Variants in AK6 observed in about 807,000 individuals in gnomAD.
AK6 encodes the protein adenylate kinase isoenzyme 6.
A neutral mutation model predicts 23.7 loss-of-function variants in AK6; 24 were observed. That is an observed-to-expected ratio of 1.01 (90% CI 0.73 to 1.43). The LOEUF is 1.43. AK6 is among the 40% of genes most tolerant of loss of function. AK6 has a pLI of 0.00. For missense variants in AK6, 191 were observed against 199.1 expected (o/e 0.96, Z 0.24); for synonymous variants, 73 against 69.8 (o/e 1.05, Z -0.23).
At position 69,364,752 on chromosome 5, in the gene AK6, T is replaced by A. The variant is rs543755933; in HGVS notation, c.121+1751A>T. The A allele has an allele frequency of 2.7e-5, 18 of 675,550 alleles. No homozygotes were observed. In the South Asian group the frequency reaches 3.6e-4, roughly 13 times the overall value. 41.8% of individuals were successfully genotyped at this position (675,550 alleles called of 1,614,324 possible). A position where few individuals can be genotyped will look rare whatever the true frequency, so the allele number is the denominator to read the frequency against. ...GCCAAAGCACCAACAATCGAATGAATGACAACTTTATTTTTCTTACACTTT... is the reference window on the plus strand; with the variant it reads ...GCCAAAGCACCAACAATCGAATGAAAGACAACTTTATTTTTCTTACACTTT... On this transcript the variant is annotated intron_variant, in intron 2 of 4. Coordinates refer to ENST00000380822, the MANE Select transcript of AK6 (RefSeq NM_016283.5).
At chr5:69,369,631 C>T (rs768535687), upstream of AK6, 1 of 1,566,626 alleles carries the variant, frequency 6.4e-7, no homozygotes. Context: ...CCTGCCCCGG[C>T]GGCCCAGCCG....
chr5:69,365,484 G>C (rs750481634), intron 2 of AK6: 3 of 1,614,048 alleles, frequency 1.9e-6, no homozygotes, highest in Non-Finnish European at 2.5e-6. Flanking sequence ...TGGGGGAGGA[G>C]AGGTAAAAGA....
chr5:69,359,437 G>A (rs1762170393), intron 2 of AK6, among the ~76,000 whole-genome samples: 1 of 152,016 alleles, frequency 6.6e-6, no homozygotes, highest in African/African-American at 2.4e-5. Context: ...TAGAGATGGG[G>A]TTTCACCATG....
chr5:69,358,962 T>A (rs1762155823), intron 2 of AK6, among the ~76,000 whole-genome samples: 1 of 151,556 alleles, frequency 6.6e-6, no homozygotes, highest in Non-Finnish European at 1.5e-5. Context: ...GTTAAAAGGG[T>A]GAGCATGGTG....
At position 69,369,464 on chromosome 5, in the gene AK6, G is replaced by A. The variant is rs774701923; in HGVS notation, c.27C>T (p.Thr9=). 8.1e-6 allele frequency: 13 copies of A among 1,610,426 alleles called. No individual in the cohort carries two copies. Among genetic ancestry groups the A allele is most frequent in the East Asian group, 2.2e-5 (1 of 44,746 alleles). The stretch of plus-strand genomic sequence containing the variant: ...TCCCTCCCGGCCGCGCGCCCTGACC[G>A]GTGAGCAGGATGTTCGGAAGCAACA... The part of the protein sequence containing the change: MLLPNILL[T]GTPGVGKTTL... The change falls in exon 1 of 5, where the codon ACC becomes ACT. Residue 9 remains threonine, a splice_region_variant and synonymous_variant. Transcript: ENST00000380822.
chr5:69,357,771 T>C (rs1762119885), intron 2 of AK6, among the ~76,000 whole-genome samples: 1 of 152,174 alleles, frequency 6.6e-6, no homozygotes, highest in South Asian at 2.1e-4. Flanking sequence ...TACACTACCA[T>C]TTAATTTCTA....
chr5:69,358,700 G>A (rs1451507420), intron 2 of AK6, among the ~76,000 whole-genome samples: 4 of 151,298 alleles, frequency 2.6e-5, no homozygotes, highest in African/African-American at 9.7e-5. Flanking sequence ...AGAAATGAAC[G>A]GATCCTAAAC....
intron 2 of AK6, among the ~76,000 whole-genome samples, chr5:69,366,225 A>T (rs1038744444): frequency 3.3e-5 from 5 of 152,158 alleles, no homozygotes; most frequent in Non-Finnish European, 5.9e-5. Flanking sequence ...CATTCTCCTT[A>T]TTCACATTCT....
chr5:69,362,953 G>C (rs1303352996), intron 2 of AK6, among the ~76,000 whole-genome samples: 1 of 152,076 alleles, frequency 6.6e-6, no homozygotes, highest in Admixed American at 6.5e-5. Context: ...GAGTACTTGA[G>C]GTACAGTGGC....
chr5:69,352,319 C>G, intron 4 of AK6, 66 bp from the exon 5 acceptor site: 2 of 1,312,920 alleles, frequency 1.5e-6, no homozygotes, highest in South Asian at 2.7e-5. Flanking sequence ...GTTTCAGAAA[C>G]ATACCAGAAA....
chr5:69,353,574 G>A (rs929052227), intron 4 of AK6, among the ~76,000 whole-genome samples: 2 of 152,036 alleles, frequency 1.3e-5, no homozygotes, highest in African/African-American at 4.8e-5. Flanking sequence ...GGAATTACAG[G>A]CGTGAGCCAC....
intron 2 of AK6, chr5:69,365,624 C>G (rs1198675915): frequency 1.2e-6 from 2 of 1,613,990 alleles, no homozygotes; most frequent in African/African-American, 1.3e-5. Context: ...ACTCCAACAT[C>G]TGATTTATAA....
In AK6 at chr5:69,369,226, A is replaced by ACCCCCCCCCCCC. The variant is rs200123392; in HGVS notation, c.28+236_28+237insGGGGGGGGGGGG. 125 of 124,540 alleles carry ACCCCCCCCCCCC rather than the reference A, an allele frequency of 1.0e-3. 17 individuals are homozygous for ACCCCCCCCCCCC. The highest frequency in any genetic ancestry group is 3.7e-3 in the South Asian group (23 of 6,238). The allele number at this position is 124,540 out of a possible 1,614,324, so 7.7% of individuals were successfully genotyped here. On this transcript the variant is annotated intron_variant, in intron 1 of 4. Transcript: ENST00000380822. Reference sequence around the variant, plus strand: ...GAGCTGGATCTGCCGACCTCTCTCCACCCCCCCCCGCCCCCCCCCGGAGCC... The same window carrying ACCCCCCCCCCCC: ...GAGCTGGATCTGCCGACCTCTCTCCACCCCCCCCCCCCCCCCCCCCCGCCCCCCCCCGGAGCC...
At chr5:69,361,049 G>A (rs546751763) in intron 2 of AK6, among the ~76,000 whole-genome samples, 6 of 152,328 alleles carry the variant, frequency 3.9e-5, no homozygotes, top group Admixed American at 6.5e-5. Context: ...AAGGATGCTA[G>A]TAAGAGTATA....
intron 2 of AK6, chr5:69,364,905 C>T: frequency 1.3e-6 from 2 of 1,557,230 alleles, no homozygotes; most frequent in Non-Finnish European, 1.7e-6. Flanking sequence ...ACAATGAATT[C>T]AAGACCAAGT....
Position 69,369,487 on chromosome 5 carries a change from A to G in AK6, c.4T>C (p.Leu2=). M[L]LPNILLTGTP... ...CCGGTGAGCAGGATGTTCGGAAGCAACATGGTCCCCGCCGCGACGGCTTCG... is the reference window on the plus strand; with the variant it reads ...CCGGTGAGCAGGATGTTCGGAAGCAGCATGGTCCCCGCCGCGACGGCTTCG... The change falls in exon 1 of 5, where the codon TTG becomes CTG. Residue 2 remains leucine, a synonymous_variant. Coordinates refer to ENST00000380822, the MANE Select transcript of AK6 (RefSeq NM_016283.5). 1 of 1,611,392 alleles carries G rather than the reference A, an allele frequency of 6.2e-7. No homozygotes were observed. Among genetic ancestry groups the G allele is most frequent in the Non-Finnish European group, 8.5e-7 (1 of 1,179,302 alleles).
At chr5:69,357,595 A>G (rs1475184985) in intron 2 of AK6, among the ~76,000 whole-genome samples, 1 of 152,222 alleles carries the variant, frequency 6.6e-6, no homozygotes, top group Non-Finnish European at 1.5e-5. Flanking sequence ...TAAAACCAAA[A>G]TAACAATTGC....
chr5:69,365,725 T>C, intron 2 of AK6: 1 of 1,550,676 alleles, frequency 6.4e-7, no homozygotes. Context: ...GAAGCCGTCT[T>C]GCCAGACTCC....
chr5:69,361,966 TCC>T (rs1259584417), intron 2 of AK6, among the ~76,000 whole-genome samples: 1 of 141,884 alleles, frequency 7.0e-6, no homozygotes, highest in South Asian at 2.2e-4. Context: ...TAAACTTGAT[TCC>T]CTTTTTTTTT....
Sources: gnomAD v4.1 joint callset for allele counts (sites outside exome capture counted in the v4.1 genomes callset) on GRCh38, gnomAD v4.1.1 for gene constraint, MANE v1.5 for transcripts, NCBI Gene and HGNC (gene_info 2026-07-23, HGNC 2026-07-21) for gene names.